PARPBP: variants seen among roughly 807,000 people sequenced by gnomAD.
The protein encoded by PARPBP is PCNA-interacting partner.
A neutral mutation model predicts 50.0 loss-of-function variants in PARPBP; 52 were observed. That is an observed-to-expected ratio of 1.04 (90% CI 0.83 to 1.31). The LOEUF (loss-of-function observed/expected upper bound fraction) is 1.31, where lower values mean the gene tolerates loss of function less well. Ranked by LOEUF, PARPBP falls within the 50% of genes most tolerant of loss-of-function variation. PARPBP has a pLI of 0.00. For missense variants in PARPBP, 697 were observed against 672.0 expected, an observed-to-expected ratio of 1.04 and a Z score of -0.41; for synonymous variants, 244 against 232.1, an observed-to-expected ratio of 1.05 and a Z score of -0.47.
rs769546214 is a variant in PARPBP, at chr12:102,175,626, GTGT to G, written c.969_971del (p.Val324del). 1.1e-5 allele frequency: 17 copies of G among 1,613,446 alleles called. No individual in the cohort carries two copies. Among genetic ancestry groups the G allele is most frequent in the African/African-American group, 6.7e-5 (5 of 74,898 alleles). On this transcript the variant is annotated inframe_deletion, in exon 7 of 11. Transcript: ENST00000327680. ...AAAAATATTATCAATTCTCAAGAAG[GTGT>G]TGTAGCTCTTAGCACCACTGACATC...
chr12:102,126,755 G>A (rs888324173), intron 2 of PARPBP, among the ~76,000 whole-genome samples: 1 of 152,144 alleles, frequency 6.6e-6, no homozygotes, highest in African/African-American at 2.4e-5. Context: ...CAGTCTGGCC[G>A]ACAGAGCGAG....
At chr12:102,151,473 C>T (rs935739449) in intron 3 of PARPBP, 10 of 778,284 alleles carry the variant, frequency 1.3e-5, no homozygotes, top group African/African-American at 6.9e-5. Flanking sequence ...TTGGAGCCTG[C>T]GGCTGCTGGG....
intron 9 of PARPBP, among the ~76,000 whole-genome samples, chr12:102,194,346 T>A (rs1005891099): frequency 1.3e-5 from 2 of 151,944 alleles, no homozygotes; most frequent in African/African-American, 4.8e-5. Context: ...TTGAATTATG[T>A]ATTTGAAACT....
intron 9 of PARPBP, among the ~76,000 whole-genome samples, chr12:102,184,063 A>AAAAAAAAAG: frequency 6.6e-6 from 1 of 151,252 alleles, no homozygotes; most frequent in African/African-American, 2.4e-5. Context: ...AAAAAAAAAA[A>AAAAAAAAAG]AAAGAAAGAA....
chr12:102,191,420 A>C (rs1257969051), intron 9 of PARPBP, among the ~76,000 whole-genome samples: 3 of 152,188 alleles, frequency 2.0e-5, no homozygotes, highest in African/African-American at 4.8e-5. Context: ...CAAAAATGTG[A>C]TAATGTAAAA....
intron 6 of PARPBP, among the ~76,000 whole-genome samples, chr12:102,173,261 T>C (rs1194996605): frequency 6.6e-6 from 1 of 152,190 alleles, no homozygotes; most frequent in East Asian, 1.9e-4. Context: ...AATAAGGGCT[T>C]TACTTTGACA....
intron 2 of PARPBP, among the ~76,000 whole-genome samples, chr12:102,144,272 C>T (rs1037543782): frequency 1.6e-4 from 25 of 152,194 alleles, no homozygotes; most frequent in African/African-American, 5.5e-4. Context: ...TACGAATGCT[C>T]TGGAAAATAT....
intron 2 of PARPBP, among the ~76,000 whole-genome samples, chr12:102,133,971 A>G (rs1883238582): frequency 6.6e-6 from 1 of 152,106 alleles, no homozygotes; most frequent in South Asian, 2.1e-4. Flanking sequence ...AAGCAATTCT[A>G]AGAGGAAAGC....
At position 102,195,403 on chromosome 12, in the gene PARPBP, C is replaced by T; in HGVS notation, c.1355C>T (p.Ala452Val). The T allele has an allele frequency of 6.3e-7, 1 of 1,593,960 alleles. No individual in the cohort carries two copies. ...SKDNWNNVNL[A>V]SKPLCVLYME... The stretch of plus-strand genomic sequence containing the variant: ...GATAATTGGAATAATGTTAATTTAG[C>T]ATCAAAGCCTTTGTGTGTTCTTTAC... Residue 452 changes from alanine to valine, a missense_variant, in exon 10 of 11, where the codon GCA (alanine) becomes GTA (valine). Physicochemically the swap from Ala to Val is moderately conservative, Grantham distance 64. Coordinates refer to ENST00000327680, the MANE Select transcript of PARPBP (RefSeq NM_017915.5).
chr12:102,135,340 C>T (rs377718158), intron 2 of PARPBP, among the ~76,000 whole-genome samples: 36 of 151,990 alleles, frequency 2.4e-4, no homozygotes, highest in East Asian at 2.1e-3. Flanking sequence ...GTCAGGAGAT[C>T]GACACCATTC....
intron 3 of PARPBP, among the ~76,000 whole-genome samples, chr12:102,151,298 A>G (rs907989072): frequency 1.3e-5 from 2 of 152,214 alleles, no homozygotes; most frequent in Admixed American, 6.5e-5. Context: ...CGGGTGCTTC[A>G]TGATGCTGGG....
chr12:102,165,845 CAAATT>C lies in PARPBP; in HGVS notation c.785_789del (p.Lys262ArgfsTer2), dbSNP rs1888086096. ...TGTCTAATTTTATTAATTTCATTGA[CAAATT>C]AGATGAGATTCTTGGAGAAATACCA... On this transcript the variant is annotated frameshift_variant, in exon 6 of 11. Coordinates refer to ENST00000327680, the MANE Select transcript of PARPBP (RefSeq NM_017915.5). LOFTEE classifies it high-confidence loss of function. The C allele has an allele frequency of 6.3e-7, 1 of 1,575,336 alleles. No individual in the cohort carries two copies. Among genetic ancestry groups the C allele is most frequent in the Admixed American group, 1.7e-5 (1 of 59,414 alleles).
intron 2 of PARPBP, among the ~76,000 whole-genome samples, chr12:102,143,287 G>C (rs1019711704): frequency 2.0e-5 from 3 of 152,208 alleles, no homozygotes; most frequent in African/African-American, 7.2e-5. Context: ...CTCTTAGCAA[G>C]GAGCAGGATA....
intron 7 of PARPBP, 51 bp from the exon 8 acceptor site, chr12:102,178,541 C>A: frequency 8.3e-7 from 1 of 1,207,740 alleles, no homozygotes; most frequent in Non-Finnish European, 1.1e-6. Flanking sequence ...TATGGCCATT[C>A]ACCCAGCTGG....
At chr12:102,155,551 G>T (rs1031207578) in intron 4 of PARPBP, among the ~76,000 whole-genome samples, 2 of 133,484 alleles carry the variant, frequency 1.5e-5, no homozygotes, top group African/African-American at 5.5e-5. Flanking sequence ...GGCTAAAACA[G>T]GAGGTAAAGA....
Position 102,196,137 on chromosome 12 carries a change from C to T in PARPBP, c.1586C>T (p.Pro529Leu), listed in dbSNP as rs772090279. The change falls in exon 11 of 11, where the codon CCT becomes CTT. Residue 529 changes from proline (P) to leucine (L), a missense_variant. Physicochemically the swap from Pro to Leu is moderately conservative, Grantham distance 98. Transcript: ENST00000327680. The part of the protein sequence containing the change: ...NILCDNRNEP[P>L]QHKNAKIPKK... ...CTCTGTGATAATAGAAATGAACCAC[C>T]TCAACATAAAAATGCTAAAATACCT... 3.1e-6 allele frequency: 5 copies of T among 1,611,728 alleles called. No homozygotes were observed. In the East Asian group the frequency reaches 1.1e-4, roughly 36 times the overall value.
chr12:102,158,749 A>G (rs1489019977), intron 4 of PARPBP, among the ~76,000 whole-genome samples: 2 of 152,116 alleles, frequency 1.3e-5, no homozygotes, highest in Non-Finnish European at 2.9e-5. Flanking sequence ...GATCTCTTTT[A>G]TCTATCCTGT....
In PARPBP at chr12:102,142,787, G is replaced by T. The variant is rs561501926; in HGVS notation, c.154-5443G>T. 3.3e-5 allele frequency among the ~76,000 whole-genome samples: 5 copies of T among 152,364 alleles called. No homozygotes were observed. In the South Asian group the frequency reaches 1.0e-3, roughly 32 times the overall value. On this transcript the variant is annotated intron_variant, in intron 2 of 10. Transcript: ENST00000327680. ...GACTCTGTTTGCCTGGGTATCACCA[G>T]TGGAGGCTGCAGAACAGCAAATATT... is the stretch of plus-strand genomic sequence containing the variant.
intron 1 of PARPBP, among the ~76,000 whole-genome samples, 170 bp from the exon 2 acceptor site, chr12:102,123,715 GA>G (rs2137002470): frequency 6.6e-6 from 1 of 152,240 alleles, no homozygotes; most frequent in Non-Finnish European, 1.5e-5. Context: ...TGATTGCGCA[GA>G]AATTGTATTA....
Sources: gnomAD v4.1 joint callset for allele counts (sites outside exome capture counted in the v4.1 genomes callset) on GRCh38, gnomAD v4.1.1 for gene constraint, MANE v1.5 for transcripts, NCBI Gene and HGNC (gene_info 2026-07-23, HGNC 2026-07-21) for gene names.